AGBL1: variants seen among roughly 807,000 people sequenced by gnomAD.
AGBL1 encodes the protein AGBL carboxypeptidase 1.
AGBL1 carries 130 observed loss-of-function variants against 118.9 expected under a neutral mutation model. The observed-to-expected ratio is 1.09, with a 90% CI of 0.95 to 1.26. AGBL1 has a LOEUF of 1.26. Among genes scored for constraint, AGBL1 ranks in the 50% most tolerant of loss-of-function variants. AGBL1 has a pLI of 0.00. For synonymous variants in AGBL1, 555 were observed against 478.9 expected, an observed-to-expected ratio of 1.16 and a Z score of -2.08; for missense variants, 1,584 against 1,298.1, an observed-to-expected ratio of 1.22 and a Z score of -3.38.
chr15:86,451,870 C>T (rs899593546), intron 18 of AGBL1, among the ~76,000 whole-genome samples: 1 of 152,080 alleles, frequency 6.6e-6, no homozygotes, highest in Admixed American at 6.6e-5. Context: ...TATTTTAAAA[C>T]CTTCCATCAT....
chr15:86,963,301 A>G (rs1441133153), intron 23 of AGBL1, among the ~76,000 whole-genome samples: 2 of 152,122 alleles, frequency 1.3e-5, no homozygotes, highest in Non-Finnish European at 2.9e-5. Flanking sequence ...CAGAATCCTC[A>G]GTTTACTTAC....
At chr15:86,507,441 G>T (rs542192138) in intron 18 of AGBL1, among the ~76,000 whole-genome samples, 3 of 152,196 alleles carry the variant, frequency 2.0e-5, no homozygotes, top group East Asian at 1.9e-4. Flanking sequence ...GTTTTTTGGG[G>T]CTGAGGATAC....
intron 20 of AGBL1, among the ~76,000 whole-genome samples, chr15:86,552,857 T>C (rs2083682627): frequency 6.6e-6 from 1 of 152,090 alleles, no homozygotes; most frequent in African/African-American, 2.4e-5. Context: ...CTTTTTTAGA[T>C]GATTGTAAGT....
At chr15:86,149,743 C>A (rs1335277325) in intron 3 of AGBL1, among the ~76,000 whole-genome samples, 1 of 152,132 alleles carries the variant, frequency 6.6e-6, no homozygotes, top group Non-Finnish European at 1.5e-5. Flanking sequence ...ACAAAGATAT[C>A]CAGGACTTGA....
chr15:86,703,629 G>C (rs529106021), intron 22 of AGBL1, among the ~76,000 whole-genome samples: 15 of 152,176 alleles, frequency 9.9e-5, no homozygotes, highest in Admixed American at 9.8e-4. Flanking sequence ...CCTGGTGGGA[G>C]GTAACTGAAT....
intron 22 of AGBL1, among the ~76,000 whole-genome samples, chr15:86,731,492 G>T (rs2077526989): frequency 6.6e-6 from 1 of 152,198 alleles, no homozygotes; most frequent in Non-Finnish European, 1.5e-5. Flanking sequence ...GATTTTAGCT[G>T]ACGGTTCAGG....
chr15:86,111,612 G>A (rs540688377), intron 1 of AGBL1, among the ~76,000 whole-genome samples: 1 of 152,198 alleles, frequency 6.6e-6, no homozygotes, highest in African/African-American at 2.4e-5. Context: ...GTGACAATTT[G>A]AATTACATTT....
chr15:86,674,167 T>G (rs2085794493), intron 21 of AGBL1, 106 bp from the exon 22 acceptor site: 1 of 1,050,228 alleles, frequency 9.5e-7, no homozygotes, highest in Non-Finnish European at 1.4e-6. Flanking sequence ...TAATTCTCAC[T>G]GTCTGAAAAA....
chr15:86,289,665 A>G (rs2079513350), intron 16 of AGBL1, among the ~76,000 whole-genome samples: 1 of 152,174 alleles, frequency 6.6e-6, no homozygotes, highest in Non-Finnish European at 1.5e-5. Context: ...CTCCACGTTC[A>G]AAGCCAAAAA....
chr15:86,423,319 A>C (rs185109118), intron 18 of AGBL1, among the ~76,000 whole-genome samples: 2 of 152,344 alleles, frequency 1.3e-5, no homozygotes, highest in African/African-American at 4.8e-5. Context: ...AACCAATGAC[A>C]AAAACCACAT....
intron 22 of AGBL1, among the ~76,000 whole-genome samples, chr15:86,885,433 A>C (rs2079956268): frequency 6.6e-6 from 1 of 152,184 alleles, no homozygotes. Context: ...TCCATTCTAA[A>C]TACTTCACAA....
intron 6 of AGBL1, among the ~76,000 whole-genome samples, chr15:86,243,393 G>A (rs533912548): frequency 2.0e-5 from 3 of 152,260 alleles, no homozygotes; most frequent in Non-Finnish European, 4.4e-5. Flanking sequence ...ACTAGGTCCC[G>A]TTTCAGACTG....
intron 17 of AGBL1, among the ~76,000 whole-genome samples, chr15:86,357,143 G>A (rs2080734128): frequency 6.6e-6 from 1 of 152,196 alleles, no homozygotes; most frequent in African/African-American, 2.4e-5. Flanking sequence ...CTAACAGGGA[G>A]TCATGTATGT....
intron 21 of AGBL1, among the ~76,000 whole-genome samples, chr15:86,574,689 T>A (rs578106027): frequency 1.0e-4 from 15 of 150,360 alleles, no homozygotes; most frequent in Admixed American, 6.6e-5. Flanking sequence ...GCGATTCTTC[T>A]GCCTCAGTCT....
At chr15:87,025,209 A>G (rs1285052203) in intron 24 of AGBL1, among the ~76,000 whole-genome samples, 1 of 152,026 alleles carries the variant, frequency 6.6e-6, no homozygotes, top group Non-Finnish European at 1.5e-5. Context: ...TGCTGATGAT[A>G]TGATTGTTTA....
chr15:86,789,914 A>G (rs571844912), intron 22 of AGBL1, among the ~76,000 whole-genome samples: 2 of 152,274 alleles, frequency 1.3e-5, no homozygotes, highest in South Asian at 4.2e-4. Context: ...GGTGATGAAA[A>G]TAGTCACCAG....
chr15:86,464,389 A>G (rs928099150), intron 18 of AGBL1, among the ~76,000 whole-genome samples: 1 of 152,146 alleles, frequency 6.6e-6, no homozygotes, highest in African/African-American at 2.4e-5. Context: ...CTGCAAACAG[A>G]AATAATTTGA....
intron 5 of AGBL1, among the ~76,000 whole-genome samples, chr15:86,188,435 C>A (rs1001569276): frequency 1.2e-4 from 19 of 152,086 alleles, no homozygotes; most frequent in African/African-American, 4.6e-4. Flanking sequence ...TAATCTTGTC[C>A]AAATTCATAT....
At chr15:86,978,766 A>G (rs1596700324) in intron 23 of AGBL1, among the ~76,000 whole-genome samples, 2 of 152,220 alleles carry the variant, frequency 1.3e-5, no homozygotes, top group Middle Eastern at 3.4e-3. Flanking sequence ...AAGAACAAAT[A>G]ATATTAAGGC....
Sources: gnomAD v4.1 joint callset for allele counts (sites outside exome capture counted in the v4.1 genomes callset) on GRCh38, gnomAD v4.1.1 for gene constraint, MANE v1.5 for transcripts, NCBI Gene and HGNC (gene_info 2026-07-23, HGNC 2026-07-21) for gene names.